CD46: variants seen among roughly 807,000 people sequenced by gnomAD.
The protein encoded by CD46 is membrane cofactor protein.
Under a neutral mutation model 53.3 loss-of-function variants are expected in CD46, and 30 were observed. The ratio of observed to expected loss-of-function variants is 0.56; its 90% CI spans 0.42 to 0.76. The LOEUF is 0.76. Among genes scored for constraint, CD46 ranks in the 30% least tolerant of loss-of-function variants. CD46 has a pLI of 0.00. For synonymous variants in CD46, 142 were observed against 152.0 expected (o/e 0.93, Z 0.48); for missense variants, 409 against 463.0 (o/e 0.88, Z 1.07).
intron 8 of CD46, among the ~76,000 whole-genome samples, chr1:207,774,809 C>T (rs1329344914): frequency 6.6e-6 from 1 of 152,168 alleles, no homozygotes; most frequent in African/African-American, 2.4e-5. Context: ...TCTGGCTGCC[C>T]TTAACATTTT....
chr1:207,767,302 G>T, intron 6 of CD46, 107 bp downstream of exon 6: 1 of 1,008,040 alleles, frequency 9.9e-7, no homozygotes, highest in South Asian at 1.3e-5. Flanking sequence ...TAACTGAAAA[G>T]AAACAATTTT....
chr1:207,752,223 C>T lies in CD46; in HGVS notation c.11C>T (p.Pro4Leu). MEP[P>L]GRRECPFPSW... The stretch of plus-strand genomic sequence containing the variant: ...TCTTCCGCGCCGCGCATGGAGCCTC[C>T]CGGCCGCCGCGAGTGTCCCTTTCCT... The change falls in exon 1 of 13, where the codon CCC becomes CTC. Residue 4 changes from proline (P) to leucine (L), a missense_variant. Pro to Leu is a moderately conservative substitution (Grantham distance 98). Transcript: ENST00000367042. This position sits in a 1 kb window ranked among gnomAD's most constrained non-coding sequence, Gnocchi z 4.1. The T allele has an allele frequency of 3.1e-6, 5 of 1,613,970 alleles. No individual in the cohort carries two copies. The highest frequency in any genetic ancestry group is 4.2e-6 in the Non-Finnish European group (5 of 1,179,998).
At chr1:207,781,318 A>T (rs191352195) in intron 8 of CD46, among the ~76,000 whole-genome samples, 17 of 151,966 alleles carry the variant, frequency 1.1e-4, no homozygotes, top group Admixed American at 3.9e-4. Context: ...AGAGTTATTT[A>T]TATGTTCTGG....
chr1:207,755,933 G>T (rs929617375), intron 1 of CD46, among the ~76,000 whole-genome samples: 10 of 152,162 alleles, frequency 6.6e-5, no homozygotes, highest in African/African-American at 2.4e-4. Flanking sequence ...GTGACATATT[G>T]TGCTGGGTGT....
chr1:207,786,273 T>C (rs1254236661), intron 11 of CD46, among the ~76,000 whole-genome samples: 3 of 152,200 alleles, frequency 2.0e-5, no homozygotes, highest in Non-Finnish European at 1.5e-5. Flanking sequence ...CAGATTGCAG[T>C]AAAACTGATA....
intron 11 of CD46, among the ~76,000 whole-genome samples, chr1:207,789,419 C>A (rs568896691): frequency 6.6e-6 from 1 of 152,224 alleles, no homozygotes; most frequent in Non-Finnish European, 1.5e-5. Context: ...AAAAAAGGAT[C>A]AAATTAACTT....
At chr1:207,759,580 T>A in intron 3 of CD46, 59 bp from the exon 4 acceptor site, 1 of 935,712 alleles carries the variant, frequency 1.1e-6, no homozygotes, top group Non-Finnish European at 1.7e-6. Flanking sequence ...ATTCCTTCAT[T>A]ATTATGTGTG....
chr1:207,767,191 T>TA lies in CD46; in HGVS notation c.855dup (p.Val286SerfsTer18). Reference sequence around the variant, plus strand: ...GGGATCCCCCAGTTCCAAAGTGTCTTAAAGGTACAAAGGTTATCTTTTTTC... The same window carrying TA: ...GGGATCCCCCAGTTCCAAAGTGTCTTAAAAGGTACAAAGGTTATCTTTTTTC... On this transcript the variant is annotated frameshift_variant, in exon 6 of 13. Transcript: ENST00000367042. LOFTEE classifies it high-confidence loss of function. 6.2e-7 allele frequency: 1 copy of TA among 1,612,516 alleles called. No individual in the cohort carries two copies. The highest frequency in any genetic ancestry group is 8.5e-7 in the Non-Finnish European group (1 of 1,178,484).
Position 207,772,492 on chromosome 1 carries a change from G to A in CD46, c.943+2130G>A, listed in dbSNP as rs1167795209. Among the ~76,000 whole-genome samples the A allele has an allele frequency of 2.0e-5, 3 of 152,142 alleles. No individual in the cohort carries two copies. The East Asian group carries it at 5.8e-4, about 29-fold the overall frequency. On this transcript the variant is annotated intron_variant, in intron 8 of 12. Coordinates refer to ENST00000367042, the MANE Select transcript of CD46 (RefSeq NM_172351.3). ...CTTGTCTTGTGCCGGTTTCCAAAGG[G>A]AATGTCCAGTTTTTGCCCATTCGGT...
In CD46 at chr1:207,757,125, A is replaced by G. The variant is rs775554112; in HGVS notation, c.209A>G (p.Tyr70Cys). The change falls in exon 2 of 13, where the codon TAT becomes TGT. Residue 70 changes from tyrosine to cysteine, a missense_variant. Coordinates refer to ENST00000367042, the MANE Select transcript of CD46 (RefSeq NM_172351.3). Reference sequence around the variant, plus strand: ...TATAAGTGTAAAAAAGGATACTTCTATATACCTCCTCTTGCCACCCATACT... The same window carrying G: ...TATAAGTGTAAAAAAGGATACTTCTGTATACCTCCTCTTGCCACCCATACT... ...VDYKCKKGYF[Y>C]IPPLATHTIC... 2.5e-6 allele frequency: 4 copies of G among 1,613,962 alleles called. No homozygotes were observed. Among genetic ancestry groups the G allele is most frequent in the Non-Finnish European group, 2.5e-6 (3 of 1,179,864 alleles).
chr1:207,756,573 G>A (rs1051662565), intron 1 of CD46, among the ~76,000 whole-genome samples: 1 of 152,186 alleles, frequency 6.6e-6, no homozygotes, highest in Non-Finnish European at 1.5e-5. Context: ...CCAGGAACTT[G>A]CCTTTTAAGA....
Position 207,793,550 on chromosome 1 carries a change from T to TA in CD46, c.*74dup. The TA allele has an allele frequency of 3.1e-6, 5 of 1,614,054 alleles. No individual in the cohort carries two copies. The highest frequency in any genetic ancestry group is 4.2e-6 in the Non-Finnish European group (5 of 1,179,910). On this transcript the variant is annotated 3_prime_UTR_variant, in exon 13 of 13. Coordinates refer to ENST00000367042, the MANE Select transcript of CD46 (RefSeq NM_172351.3). Reference sequence around the variant, plus strand: ...AGATGGTGGAGCTGAATATGCCACTTACCAGACTAAATCAACCACTCCAGC... The same window carrying TA: ...AGATGGTGGAGCTGAATATGCCACTTAACCAGACTAAATCAACCACTCCAGC...
At position 207,783,300 on chromosome 1, in the gene CD46, A is replaced by G; in HGVS notation, c.952A>G (p.Lys318Glu). 6.6e-7 allele frequency: 1 copy of G among 1,508,926 alleles called. No individual in the cohort carries two copies. The highest frequency in any genetic ancestry group is 9.2e-7 in the Non-Finnish European group (1 of 1,085,534). 93.5% of individuals were successfully genotyped at this position (1,508,926 alleles called of 1,614,324 possible). Residue 318 changes from lysine (K) to glutamate (E), a missense_variant, in exon 9 of 13, where the codon AAA (lysine) becomes GAA (glutamate). By Grantham distance (56) the Lys-to-Glu change is moderately conservative (BLOSUM62 1). Coordinates refer to ENST00000367042, the MANE Select transcript of CD46 (RefSeq NM_172351.3). The stretch of plus-strand genomic sequence containing the variant: ...TTCTTCTTTTTTCCTAGGATATCCT[A>G]AACCTGAGGAAGGAATACTTGACAG... The part of the protein sequence containing the change: ...PPVSNYPGYP[K>E]PEEGILDSLD...
intron 1 of CD46, 95 bp from the exon 2 acceptor site, chr1:207,756,919 G>A (rs1445296510): frequency 6.8e-5 from 71 of 1,050,008 alleles, no homozygotes; most frequent in Non-Finnish European, 9.3e-5. Context: ...GGGCCTTTCT[G>A]TTTTTTCTGT....
At chr1:207,773,462 CT>C (rs1218428111) in intron 8 of CD46, among the ~76,000 whole-genome samples, 1 of 152,010 alleles carries the variant, frequency 6.6e-6, no homozygotes, top group African/African-American at 2.4e-5. Flanking sequence ...GCTCTTGTTT[CT>C]CTAGTTCTTT....
intron 8 of CD46, among the ~76,000 whole-genome samples, chr1:207,774,395 A>G (rs1657868393): frequency 6.6e-6 from 1 of 152,158 alleles, no homozygotes; most frequent in Non-Finnish European, 1.5e-5. Flanking sequence ...TAAGGCTAAT[A>G]GTGTTATGTT....
chr1:207,780,807 A>G (rs560111618), intron 8 of CD46, among the ~76,000 whole-genome samples: 1 of 152,110 alleles, frequency 6.6e-6, no homozygotes, highest in African/African-American at 2.4e-5. Context: ...AGTAACTTAT[A>G]ATGAACAGAA....
rs753924720 is a variant in CD46 at position 207,757,034 on chromosome 1, A to G, written c.118A>G (p.Thr40Ala). 7 of 1,613,870 alleles carry G rather than the reference A, an allele frequency of 4.3e-6. No homozygotes were observed. Among genetic ancestry groups the G allele is most frequent in the Admixed American group, 3.3e-5 (2 of 60,002 alleles). Residue 40 changes from threonine (T) to alanine (A), a missense_variant, in exon 2 of 13, where the codon ACA (threonine) becomes GCA (alanine). By Grantham distance (58) the Thr-to-Ala change is moderately conservative. Transcript: ENST00000367042. ...CCTAGATGCCTGTGAGGAGCCACCAACATTTGAAGCTATGGAGCTCATTGG... is the reference window on the plus strand; with the variant it reads ...CCTAGATGCCTGTGAGGAGCCACCAGCATTTGAAGCTATGGAGCTCATTGG... ...SFSDACEEPP[T>A]FEAMELIGKP...
intron 5 of CD46, among the ~76,000 whole-genome samples, chr1:207,764,883 C>T (rs2488252): frequency 0.62 from 93,537 of 152,040 alleles, 29,156 homozygotes; most frequent in East Asian, 0.91. Context: ...GAATAAATCA[C>T]AGCAATTCTA....
Sources: gnomAD v4.1 joint callset for allele counts (sites outside exome capture counted in the v4.1 genomes callset) on GRCh38, gnomAD v4.1.1 for gene constraint, Gnocchi (gnomAD v3.1) non-coding constraint, MANE v1.5 for transcripts, NCBI Gene and HGNC (gene_info 2026-07-23, HGNC 2026-07-21) for gene names.